The following NLGN4Y variants were observed in gnomAD, a reference collection of about 807,000 sequenced individuals.
NLGN4Y encodes the protein neuroligin-4, Y-linked.
NLGN4Y carries 4 observed loss-of-function variants against 8.4 expected under a neutral mutation model. The observed-to-expected ratio is 0.48, with a 90% confidence interval of 0.23 to 1.09. The LOEUF is 1.09. Ranked by LOEUF, NLGN4Y falls within the 50% of genes least tolerant of loss-of-function variation. The pLI is 0.19. For missense variants in NLGN4Y, 90 were observed against 192.3 expected, an observed-to-expected ratio of 0.47 and a Z score of 3.15; for synonymous variants, 35 against 75.6, an observed-to-expected ratio of 0.46 and a Z score of 2.78.
At position 14,768,822 on chromosome Y, in the gene NLGN4Y, T is replaced by C. The variant is rs2150572461; in HGVS notation, c.685+45553T>C. 1.5e-4 allele frequency among the ~76,000 whole-genome samples: 5 copies of C among 34,053 alleles called. No individual in the cohort carries two copies. In the East Asian group the frequency reaches 3.8e-3, roughly 26 times the overall value. 91.4% of individuals were successfully genotyped at this position (34,053 alleles called of 37,273 possible). ...TTATAAAAAGATGCATGACAGATAATACTTATTTAAACTTACAGCGGTAAA... is the reference window on the plus strand; with the variant it reads ...TTATAAAAAGATGCATGACAGATAACACTTATTTAAACTTACAGCGGTAAA... On this transcript the variant is annotated intron_variant, in intron 4 of 6. Coordinates refer to ENST00000684976, the MANE Select transcript of NLGN4Y (RefSeq NM_001365588.1).
intron 4 of NLGN4Y, among the ~76,000 whole-genome samples, chrY:14,811,764 C>T (rs2043081190): frequency 3.0e-5 from 1 of 33,415 alleles, no homozygotes; most frequent in Non-Finnish European, 7.4e-5. Flanking sequence ...GGAGAGGAAA[C>T]ATCTACATTA....
intron 2 of NLGN4Y, among the ~76,000 whole-genome samples, chrY:14,690,136 G>A: frequency 9.0e-5 from 3 of 33,436 alleles, no homozygotes; most frequent in African/African-American, 3.5e-4. Context: ...CGGAGGGCTT[G>A]TGTGTCTATG....
chrY:14,748,938 A>AAAAAAG (rs2081033502), intron 4 of NLGN4Y, among the ~76,000 whole-genome samples: 1 of 28,458 alleles, frequency 3.5e-5, no homozygotes, highest in Non-Finnish European at 8.1e-5. Flanking sequence ...GAAAGAAAGA[A>AAAAAAG]AAAAAGAAAA....
intron 4 of NLGN4Y, among the ~76,000 whole-genome samples, chrY:14,761,790 T>C (rs2081080214): frequency 2.9e-5 from 1 of 33,950 alleles, no homozygotes; most frequent in African/African-American, 1.1e-4. Flanking sequence ...ACAGTCCAGA[T>C]ACCAGTACAT....
At chrY:14,567,321 C>T (rs773436618) in intron 1 of NLGN4Y, among the ~76,000 whole-genome samples, 1 of 27,189 alleles carries the variant, frequency 3.7e-5, no homozygotes, top group Admixed American at 3.4e-4. Flanking sequence ...CCACTGCCTC[C>T]GGGTTCAAGC....
At chrY:14,536,142 A>G (rs950199656) in intron 1 of NLGN4Y, among the ~76,000 whole-genome samples, 1 of 32,011 alleles carries the variant, frequency 3.1e-5, no homozygotes, top group Non-Finnish European at 7.6e-5. Flanking sequence ...TATGTAAATT[A>G]CAACCACATA....
intron 1 of NLGN4Y, among the ~76,000 whole-genome samples, chrY:14,581,378 C>G (rs2080319866): frequency 6.3e-5 from 2 of 31,949 alleles, no homozygotes. Context: ...AACCTAAAAC[C>G]CCTAAAAGGT....
chrY:14,831,284 C>A (rs1056515520), intron 6 of NLGN4Y, among the ~76,000 whole-genome samples: 3 of 31,636 alleles, frequency 9.5e-5, no homozygotes, highest in East Asian at 1.7e-3. Context: ...CCCTCCTCAC[C>A]CTTCTGAATA....
chrY:14,756,013 T>C, intron 4 of NLGN4Y, among the ~76,000 whole-genome samples: 1 of 34,363 alleles, frequency 2.9e-5, no homozygotes, highest in Non-Finnish European at 7.3e-5. Flanking sequence ...TCCTCTTCTC[T>C]GAAAATAGTT....
At chrY:14,780,167 T>G in intron 4 of NLGN4Y, among the ~76,000 whole-genome samples, 4 of 33,247 alleles carry the variant, frequency 1.2e-4, no homozygotes, top group African/African-American at 4.7e-4. Context: ...AATTATACAA[T>G]TGGATCTTAG....
intron 1 of NLGN4Y, among the ~76,000 whole-genome samples, chrY:14,565,871 C>T: frequency 3.0e-5 from 1 of 33,409 alleles, no homozygotes; most frequent in Non-Finnish European, 7.4e-5. Context: ...AAATATTCAA[C>T]ATTCTTAAAG....
intron 4 of NLGN4Y, among the ~76,000 whole-genome samples, chrY:14,763,314 G>A: frequency 3.0e-5 from 1 of 32,947 alleles, no homozygotes; most frequent in Non-Finnish European, 7.4e-5. Flanking sequence ...CTTAAGCCAA[G>A]AGATTTTCCC....
At chrY:14,523,453 G>T (rs2080080056), upstream of NLGN4Y, 1 of 98,425 alleles carries the variant, frequency 1.0e-5, no homozygotes, top group Non-Finnish European at 2.3e-5. Context: ...GAGTTTGTGA[G>T]TGTACACATA....
intron 2 of NLGN4Y, among the ~76,000 whole-genome samples, chrY:14,670,195 G>A (rs2080705981): frequency 2.9e-5 from 1 of 34,007 alleles, no homozygotes; most frequent in African/African-American, 1.1e-4. Flanking sequence ...AATGCTACAT[G>A]TTAAAAAGCA....
At chrY:14,750,390 G>A in intron 4 of NLGN4Y, among the ~76,000 whole-genome samples, 7 of 32,686 alleles carry the variant, frequency 2.1e-4, no homozygotes, top group Admixed American at 1.7e-3. Flanking sequence ...TAGTTAGGGT[G>A]GTCTCAAACT....
At chrY:14,740,749 A>G in intron 4 of NLGN4Y, among the ~76,000 whole-genome samples, 1 of 33,954 alleles carries the variant, frequency 2.9e-5, no homozygotes, top group Non-Finnish European at 7.3e-5. Flanking sequence ...ATTTTCATAC[A>G]TTCAAACTTA....
chrY:14,824,116 A>G, intron 4 of NLGN4Y, 72 bp from the exon 5 acceptor site: 1 of 321,855 alleles, frequency 3.1e-6, no homozygotes, highest in South Asian at 3.3e-5. Flanking sequence ...AAGCTATGAG[A>G]TAACTTTTCA....
At chrY:14,563,243 T>C (rs2080240984) in intron 1 of NLGN4Y, among the ~76,000 whole-genome samples, 1 of 33,887 alleles carries the variant, frequency 3.0e-5, no homozygotes, top group Non-Finnish European at 7.3e-5. Context: ...ATTGAGAGTT[T>C]TTAGCATGAA....
chrY:14,761,299 C>G (rs2081078706), intron 4 of NLGN4Y, among the ~76,000 whole-genome samples: 1 of 34,107 alleles, frequency 2.9e-5, no homozygotes, highest in Non-Finnish European at 7.3e-5. Flanking sequence ...AACTTGCACC[C>G]TATGTCTGAA....
Sources: gnomAD v4.1 joint callset for allele counts (sites outside exome capture counted in the v4.1 genomes callset) on GRCh38, gnomAD v4.1.1 for gene constraint, MANE v1.5 for transcripts, NCBI Gene and HGNC (gene_info 2026-07-23, HGNC 2026-07-21) for gene names.